ZNF804B: variants seen among roughly 807,000 people sequenced by gnomAD.
ZNF804B encodes zinc finger 804B.
In ZNF804B, 80 loss-of-function variants were observed where a neutral mutation model predicts 101.4. The observed-to-expected ratio is 0.79, with a 90% CI of 0.66 to 0.95. The LOEUF is 0.95. ZNF804B is among the 40% of genes least tolerant of loss of function. The pLI, the probability that ZNF804B is intolerant of heterozygous loss-of-function variation, is 0.00. For synonymous variants in ZNF804B, 622 were observed against 558.8 expected (o/e 1.11, Z -1.59); for missense variants, 1,673 against 1,561.9 (o/e 1.07, Z -1.20).
chr7:89,019,502 A>T (rs191493549), intron 1 of ZNF804B, among the ~76,000 whole-genome samples: 1 of 152,032 alleles, frequency 6.6e-6, no homozygotes, highest in African/African-American at 2.4e-5. Flanking sequence ...CATCTGGTCT[A>T]TCGTGCACTG....
intron 1 of ZNF804B, among the ~76,000 whole-genome samples, chr7:88,939,924 A>G (rs1793032065): frequency 6.6e-6 from 1 of 151,990 alleles, no homozygotes; most frequent in Non-Finnish European, 1.5e-5. Flanking sequence ...ATAAGTTTAG[A>G]TTGATAAGTC....
intron 1 of ZNF804B, among the ~76,000 whole-genome samples, chr7:88,763,758 AATAGATAGATAG>A (rs10539286): frequency 1.3e-5 from 2 of 150,706 alleles, no homozygotes; most frequent in African/African-American, 4.9e-5. Context: ...TAGACAGAAA[AATAGATAGATAG>A]ATAGATAGAT....
At position 88,958,332 on chromosome 7, in the gene ZNF804B, C is replaced by T. The variant is rs933297777; in HGVS notation, c.108+198248C>T. Among the ~76,000 whole-genome samples, 3 of 151,404 alleles carry T rather than the reference C, an allele frequency of 2.0e-5. No individual in the cohort carries two copies. In the East Asian group the frequency reaches 5.9e-4, roughly 30 times the overall value. On this transcript the variant is annotated intron_variant, in intron 1 of 3. Transcript: ENST00000333190. ...TGAAAATTATTCATAAAAATGGAGGCTCCTCGTGCATATGACAAATACACA... is the reference window on the plus strand; with the variant it reads ...TGAAAATTATTCATAAAAATGGAGGTTCCTCGTGCATATGACAAATACACA...
chr7:88,813,476 G>T (rs1006846937), intron 1 of ZNF804B, among the ~76,000 whole-genome samples: 7 of 150,788 alleles, frequency 4.6e-5, no homozygotes, highest in Non-Finnish European at 7.4e-5. Context: ...TGTGCGGTTT[G>T]CTAAATATTT....
At chr7:88,772,202 C>T (rs1457524538) in intron 1 of ZNF804B, among the ~76,000 whole-genome samples, 3 of 152,082 alleles carry the variant, frequency 2.0e-5, no homozygotes, top group Non-Finnish European at 2.9e-5. Flanking sequence ...TATAATATCC[C>T]TGGGAGAATC....
intron 1 of ZNF804B, among the ~76,000 whole-genome samples, chr7:89,141,516 G>T (rs1206626610): frequency 6.6e-6 from 1 of 152,018 alleles, no homozygotes; most frequent in Non-Finnish European, 1.5e-5. Context: ...ATGCTGTTAT[G>T]AACATTAGTG....
intron 1 of ZNF804B, among the ~76,000 whole-genome samples, chr7:88,902,324 G>T (rs1451388301): frequency 4.6e-5 from 7 of 151,890 alleles, no homozygotes; most frequent in Non-Finnish European, 7.4e-5. Context: ...TCTCTATAGA[G>T]ACTTCCCAAA....
rs533464578 is a variant in ZNF804B, at chr7:89,000,844, T to TTA, written c.109-217302_109-217301dup. On this transcript the variant is annotated intron_variant, in intron 1 of 3. Coordinates refer to ENST00000333190, the MANE Select transcript of ZNF804B (RefSeq NM_181646.5). ...TTTTATGGCATCATATATATGACAT[T>TTA]TATATATATAGAGAGATATCATATA... Among the ~76,000 whole-genome samples, 28 of 150,154 alleles carry TTA rather than the reference T, an allele frequency of 1.9e-4. No individual in the cohort carries two copies. The South Asian group carries it at 5.8e-3, about 31-fold the overall frequency.
intron 1 of ZNF804B, among the ~76,000 whole-genome samples, chr7:88,911,552 A>G (rs921158908): frequency 3.8e-4 from 58 of 151,114 alleles, no homozygotes; most frequent in African/African-American, 1.4e-3. Flanking sequence ...AATATATTGT[A>G]AGGCTACACC....
At chr7:89,068,279 T>C (rs530794562) in intron 1 of ZNF804B, among the ~76,000 whole-genome samples, 3 of 151,952 alleles carry the variant, frequency 2.0e-5, no homozygotes, top group African/African-American at 7.2e-5. Flanking sequence ...CTTTCCATAA[T>C]AAGAGTACAT....
intron 1 of ZNF804B, among the ~76,000 whole-genome samples, chr7:89,046,698 T>A (rs1789113188): frequency 6.6e-6 from 1 of 152,150 alleles, no homozygotes; most frequent in African/African-American, 2.4e-5. Flanking sequence ...TTTCCTTTTT[T>A]TTCCAATTCA....
At chr7:89,052,341 T>A (rs1376720090) in intron 1 of ZNF804B, among the ~76,000 whole-genome samples, 2 of 152,120 alleles carry the variant, frequency 1.3e-5, no homozygotes, top group East Asian at 3.9e-4. Context: ...TTATAATTTT[T>A]CTGTGTATTT....
At chr7:89,200,338 A>G (rs980198699) in intron 1 of ZNF804B, among the ~76,000 whole-genome samples, 72 of 152,096 alleles carry the variant, frequency 4.7e-4, no homozygotes, top group African/African-American at 1.7e-3. Context: ...AGCCCCTAAC[A>G]CAGTAAGAGT....
chr7:89,160,354 A>T (rs1355660720), intron 1 of ZNF804B, among the ~76,000 whole-genome samples: 1 of 152,116 alleles, frequency 6.6e-6, no homozygotes, highest in Non-Finnish European at 1.5e-5. Flanking sequence ...GCGATGAATA[A>T]CCGTATGTGA....
chr7:89,113,984 T>G (rs987135052), intron 1 of ZNF804B, among the ~76,000 whole-genome samples: 1 of 151,332 alleles, frequency 6.6e-6, no homozygotes, highest in Admixed American at 6.6e-5. Flanking sequence ...CTTCCAGGGA[T>G]AGGTGCAAGA....
intron 1 of ZNF804B, among the ~76,000 whole-genome samples, chr7:89,119,192 T>A (rs1338649619): frequency 1.3e-5 from 2 of 152,188 alleles, no homozygotes; most frequent in Non-Finnish European, 2.9e-5. Context: ...TAATGGTGGT[T>A]TTCTGCCCTT....
chr7:88,881,010 A>C (rs1204998112), intron 1 of ZNF804B, among the ~76,000 whole-genome samples: 1 of 152,170 alleles, frequency 6.6e-6, no homozygotes, highest in Middle Eastern at 3.4e-3. Context: ...GCATCTCATA[A>C]CTCTAACTCA....
At chr7:89,071,063 C>T (rs1054638701) in intron 1 of ZNF804B, among the ~76,000 whole-genome samples, 1 of 151,994 alleles carries the variant, frequency 6.6e-6, no homozygotes, top group Non-Finnish European at 1.5e-5. Context: ...TTTAAATCAT[C>T]CCTAAATTAC....
chr7:88,842,776 G>A (rs899523436), intron 1 of ZNF804B, among the ~76,000 whole-genome samples: 2 of 152,130 alleles, frequency 1.3e-5, no homozygotes, highest in Admixed American at 6.6e-5. Flanking sequence ...TGCACAAATG[G>A]TATAACCTGA....
Sources: allele counts gnomAD v4.1 joint callset (sites outside exome capture counted in the v4.1 genomes callset), GRCh38; gene constraint gnomAD v4.1.1; transcripts MANE v1.5; gene names NCBI Gene and HGNC (gene_info 2026-07-23, HGNC 2026-07-21).